The following DIAPH3 variants were observed in gnomAD, a reference collection of about 807,000 sequenced individuals.
The protein encoded by DIAPH3 is diaphanous related formin 3, also known as protein diaphanous homolog 3.
In DIAPH3, 117 loss-of-function variants were observed where a neutral mutation model predicts 144.3. The observed-to-expected ratio is 0.81, with a 90% CI of 0.70 to 0.95. The LOEUF is 0.95. DIAPH3 is among the 40% of genes least tolerant of loss of function. The pLI is 0.00. For missense variants in DIAPH3, 1,421 were observed against 1,412.7 expected (o/e 1.01, Z -0.09); for synonymous variants, 519 against 488.9 (o/e 1.06, Z -0.81).
intron 12 of DIAPH3, among the ~76,000 whole-genome samples, chr13:59,984,635 G>C (rs2051270482): frequency 6.7e-6 from 1 of 148,518 alleles, no homozygotes; most frequent in Admixed American, 6.8e-5. Flanking sequence ...AATGATAAAG[G>C]GGATATCACC....
chr13:59,902,060 T>G (rs2046464989), intron 20 of DIAPH3, among the ~76,000 whole-genome samples: 1 of 152,206 alleles, frequency 6.6e-6, no homozygotes, highest in Non-Finnish European at 1.5e-5. Context: ...AAGCCTCTAA[T>G]TTTCCATGAA....
At chr13:59,946,226 T>C (rs1279225282) in intron 17 of DIAPH3, among the ~76,000 whole-genome samples, 1 of 152,220 alleles carries the variant, frequency 6.6e-6, no homozygotes, top group East Asian at 1.9e-4. Context: ...TTTGTACTTC[T>C]GTTACATGTT....
chr13:59,774,760 C>T lies in DIAPH3; in HGVS notation c.3227G>A (p.Arg1076His), dbSNP rs200654315. The T allele has an allele frequency of 2.0e-3, 3,266 of 1,614,130 alleles. 6 individuals are homozygous for T. The highest frequency in any genetic ancestry group is 2.5e-3 in the Non-Finnish European group (2,984 of 1,180,008). ...LEALQSGAAF[R>H]DRRKRTPMPK... ...CATCGGTGTCCTTTTTCTTCTGTCG[C>T]GGAAGGCAGCCCCGGACTGCAAGGC... The change falls in exon 26 of 28, where the codon CGC becomes CAC. Residue 1076 changes from arginine to histidine, a missense_variant. Coordinates refer to ENST00000400324, the MANE Select transcript of DIAPH3 (RefSeq NM_001042517.2).
intron 5 of DIAPH3, among the ~76,000 whole-genome samples, chr13:60,016,403 A>C (rs1377948702): frequency 6.6e-6 from 1 of 152,192 alleles, no homozygotes; most frequent in Non-Finnish European, 1.5e-5. Context: ...GTTCATGTTT[A>C]GGGACATCAC....
rs571085768 is a variant in DIAPH3, at chr13:59,956,569, C to T, written c.2074+13375G>A. Among the ~76,000 whole-genome samples, 37 of 152,340 alleles carry T rather than the reference C, an allele frequency of 2.4e-4. No homozygotes were observed. The South Asian group carries it at 7.2e-3, about 30-fold the overall frequency. On this transcript the variant is annotated intron_variant, in intron 17 of 27. Coordinates refer to ENST00000400324, the MANE Select transcript of DIAPH3 (RefSeq NM_001042517.2). ...GCAGAGGCATGCTGCAGGGGCAAAG[C>T]CCTCATGGAGAGCCTCTGCTAGGGC...
At chr13:59,754,951 T>C (rs1421879470) in intron 27 of DIAPH3, among the ~76,000 whole-genome samples, 1 of 152,216 alleles carries the variant, frequency 6.6e-6, no homozygotes, top group Non-Finnish European at 1.5e-5. Context: ...AGGAAGTGAC[T>C]TGCTAAAGGT....
At chr13:59,925,489 C>T (rs555642785) in intron 17 of DIAPH3, among the ~76,000 whole-genome samples, 1 of 152,240 alleles carries the variant, frequency 6.6e-6, no homozygotes, top group Admixed American at 6.5e-5. Context: ...CATCTAAATT[C>T]ATCAGGAATA....
chr13:59,779,995 ATGTTCACC>A (rs2038653855), intron 25 of DIAPH3, among the ~76,000 whole-genome samples: 1 of 152,146 alleles, frequency 6.6e-6, no homozygotes, highest in Admixed American at 6.5e-5. Flanking sequence ...CAACCAACAC[ATGTTCACC>A]TGGCATATGG....
intron 15 of DIAPH3, 42 bp from the exon 16 acceptor site, chr13:59,971,202 T>C (rs2050356040): frequency 6.5e-7 from 1 of 1,529,676 alleles, no homozygotes; most frequent in South Asian, 1.2e-5. Flanking sequence ...AGAACATATC[T>C]ACAAAACATG....
rs1261238706 is a variant in DIAPH3 at position 59,856,919 on chromosome 13, C to A, written c.2737+4488G>T. ...ATTGGTAAAAAAAAAAAAAAAGTGT[C>A]TTTTCATAACATTCTAATATTCTAC... On this transcript the variant is annotated intron_variant, in intron 22 of 27. Transcript: ENST00000400324. Among the ~76,000 whole-genome samples, 11 of 150,596 alleles carry A rather than the reference C, an allele frequency of 7.3e-5. No homozygotes were observed. In the South Asian group the frequency reaches 2.3e-3, roughly 32 times the overall value.
At chr13:60,121,869 G>A (rs2058854290) in intron 2 of DIAPH3, among the ~76,000 whole-genome samples, 1 of 152,138 alleles carries the variant, frequency 6.6e-6, no homozygotes, top group Admixed American at 6.5e-5. Context: ...ACCAAAGCAT[G>A]TGGACTACAC....
chr13:59,847,431 G>C (rs574916010), intron 22 of DIAPH3, among the ~76,000 whole-genome samples: 7 of 152,258 alleles, frequency 4.6e-5, no homozygotes, highest in Non-Finnish European at 8.8e-5. Flanking sequence ...GAAAGAAAGA[G>C]CCAGCCCTGT....
chr13:59,867,856 T>C (rs1189532100), intron 21 of DIAPH3, among the ~76,000 whole-genome samples: 1 of 151,956 alleles, frequency 6.6e-6, no homozygotes, highest in African/African-American at 2.4e-5. Context: ...AACAGGCAAA[T>C]GGGAAAAAGT....
chr13:59,718,538 T>C (rs1236869346), intron 27 of DIAPH3, among the ~76,000 whole-genome samples: 3 of 152,064 alleles, frequency 2.0e-5, no homozygotes, highest in Admixed American at 6.6e-5. Flanking sequence ...ATGAATTAGG[T>C]TAATGTGCCT....
intron 4 of DIAPH3, among the ~76,000 whole-genome samples, chr13:60,061,610 C>A (rs1339636176): frequency 6.6e-6 from 1 of 151,328 alleles, no homozygotes; most frequent in African/African-American, 2.4e-5. Flanking sequence ...GCCCCTCCCC[C>A]CACACACACC....
At chr13:59,852,703 C>G (rs181507469) in intron 22 of DIAPH3, among the ~76,000 whole-genome samples, 5 of 152,000 alleles carry the variant, frequency 3.3e-5, no homozygotes, top group Admixed American at 6.6e-5. Flanking sequence ...AGAAAAGTAC[C>G]AACATTTTTA....
intron 2 of DIAPH3, among the ~76,000 whole-genome samples, chr13:60,123,803 A>T (rs1262215592): frequency 6.6e-6 from 1 of 151,876 alleles, no homozygotes; most frequent in Non-Finnish European, 1.5e-5. Flanking sequence ...AAATATAAAA[A>T]GTTAATGAAA....
At chr13:59,746,835 A>G (rs1187805318) in intron 27 of DIAPH3, among the ~76,000 whole-genome samples, 4 of 152,156 alleles carry the variant, frequency 2.6e-5, no homozygotes, top group Non-Finnish European at 5.9e-5. Flanking sequence ...CATTATGTAT[A>G]ATTTATAATT....
chr13:59,688,761 A>C (rs1351329466), intron 27 of DIAPH3, among the ~76,000 whole-genome samples: 1 of 152,082 alleles, frequency 6.6e-6, no homozygotes, highest in Non-Finnish European at 1.5e-5. Flanking sequence ...ATACATCAGA[A>C]ACAACTTGCA....
Sources: allele counts gnomAD v4.1 joint callset (sites outside exome capture counted in the v4.1 genomes callset), GRCh38; gene constraint gnomAD v4.1.1; transcripts MANE v1.5; gene names NCBI Gene and HGNC (gene_info 2026-07-23, HGNC 2026-07-21).